MYBPC2: variants seen among roughly 807,000 people sequenced by gnomAD.
MYBPC2 encodes the protein myosin-binding protein C, fast-type.
Under a neutral mutation model 137.0 loss-of-function variants are expected in MYBPC2, and 122 were observed. That is an observed-to-expected ratio of 0.89 (90% CI 0.77 to 1.03). MYBPC2 has a LOEUF of 1.03. Among genes scored for constraint, MYBPC2 ranks in the 50% least tolerant of loss-of-function variants. The probability of loss-of-function intolerance (pLI) is 0.00; values close to 1 mark genes in which losing one functional copy is unlikely to be tolerated. For synonymous variants in MYBPC2, 626 were observed against 612.3 expected (o/e 1.02, Z -0.33); for missense variants, 1,500 against 1,534.4 (o/e 0.98, Z 0.37).
Position 50,454,327 on chromosome 19 carries a change from G to C in MYBPC2, c.1972G>C (p.Val658Leu), listed in dbSNP as rs770202283. 76 of 1,613,010 alleles carry C rather than the reference G, an allele frequency of 4.7e-5. No individual in the cohort carries two copies. Among genetic ancestry groups the C allele is most frequent in the Non-Finnish European group, 6.4e-5 (76 of 1,179,656 alleles). Residue 658 changes from valine (V) to leucine (L), a missense_variant, in exon 18 of 28, where the codon GTC (valine) becomes CTC (leucine). Physicochemically the swap from Val to Leu is conservative, Grantham distance 32 (BLOSUM62 1). Transcript: ENST00000357701. The stretch of plus-strand genomic sequence containing the variant: ...GGTTGGAGAGGATTGGGCCATCCTT[G>C]TCTGGGAGCCACCAATGTACGATGG... ...TSVGEDWAIL[V>L]WEPPMYDGGK...
chr19:50,455,471 C>T, intron 19 of MYBPC2, 39 bp from the exon 20 acceptor site: 2 of 1,598,562 alleles, frequency 1.3e-6, no homozygotes, highest in Non-Finnish European at 1.7e-6. Context: ...CCCCTGACCC[C>T]TCATTCCCCC....
chr19:50,461,411 A>G, intron 24 of MYBPC2, 131 bp from the exon 25 acceptor site: 2 of 949,676 alleles, frequency 2.1e-6, no homozygotes, highest in South Asian at 1.6e-5. Context: ...CACTGTGAGT[A>G]GTGCGCCATG....
chr19:50,458,578 T>C lies in MYBPC2; in HGVS notation c.2339-9T>C, dbSNP rs779770805. On this transcript the variant is annotated splice_polypyrimidine_tract_variant and intron_variant, in intron 20 of 27. Coordinates refer to ENST00000357701, the MANE Select transcript of MYBPC2 (RefSeq NM_004533.4). ...GCACGAGATCCGCCAGCAGGGCCTC[T>C]CTCTCCAGCCGAGGAATGGGTCCCT... is the stretch of plus-strand genomic sequence containing the variant. The C allele has an allele frequency of 1.9e-6, 3 of 1,610,392 alleles. No individual in the cohort carries two copies. The highest frequency in any genetic ancestry group is 1.7e-6 in the Non-Finnish European group (2 of 1,179,690).
At position 50,461,832 on chromosome 19, in the gene MYBPC2, T is replaced by G. The variant is rs1338678679; in HGVS notation, c.3092-68T>G. 1.9e-6 allele frequency: 3 copies of G among 1,576,878 alleles called. No homozygotes were observed. The East Asian group carries it at 7.0e-5, about 37-fold the overall frequency. ...GTCATGGGAGAGAGGTGATTGCGGT[T>G]TGTTCCCTGGTTGGTGTCAGGGGAG... On this transcript the variant is annotated intron_variant, in intron 25 of 27. Transcript: ENST00000357701.
chr19:50,441,948 T>A (rs1370008326), intron 8 of MYBPC2, among the ~76,000 whole-genome samples: 1 of 152,204 alleles, frequency 6.6e-6, no homozygotes, highest in Non-Finnish European at 1.5e-5. Context: ...CTTGACTTCT[T>A]TCCTGGGTGA....
chr19:50,439,525 TACTA>T lies in MYBPC2; in HGVS notation c.573-1354_573-1351del, dbSNP rs1355616878. On this transcript the variant is annotated intron_variant, in intron 7 of 27. Transcript: ENST00000357701. ...CAACCATCTTCTGAGGCCTCCCGTC[TACTA>T]GGTCCTGGGCTGAGATCCATGCATT... Among the ~76,000 whole-genome samples the T allele has an allele frequency of 2.0e-3, 296 of 151,024 alleles. 4 individuals are homozygous for T. Among genetic ancestry groups the T allele is most frequent in the African/African-American group, 6.1e-3 (252 of 41,144 alleles).
Position 50,435,148 on chromosome 19 carries a change from C to A in MYBPC2, c.20-13C>A. The A allele has an allele frequency of 8.0e-7, 1 of 1,251,834 alleles. No individual in the cohort carries two copies. The highest frequency in any genetic ancestry group is 1.2e-6 in the Non-Finnish European group (1 of 857,804). The allele number at this position is 1,251,834 out of a possible 1,614,324, so 77.5% of individuals were successfully genotyped here. A position where few individuals can be genotyped will look rare whatever the true frequency, so the allele number is the denominator to read the frequency against. ...GACCGCATGCTCAACTATGACTGTC[C>A]CCTACCTTACAGCGGCCAAAAAGGC... On this transcript the variant is annotated splice_polypyrimidine_tract_variant and intron_variant, in intron 1 of 27. Transcript: ENST00000357701. This position sits in a 1 kb window ranked among gnomAD's most constrained non-coding sequence, Gnocchi z 4.8.
chr19:50,453,776 T>C (rs2039881562), intron 16 of MYBPC2, among the ~76,000 whole-genome samples: 1 of 151,420 alleles, frequency 6.6e-6, no homozygotes, highest in Non-Finnish European at 1.5e-5. Flanking sequence ...CCAACCTCAG[T>C]TGATCTACCC....
chr19:50,452,274 C>G (rs1402980661), intron 16 of MYBPC2, among the ~76,000 whole-genome samples: 2 of 152,324 alleles, frequency 1.3e-5, no homozygotes, highest in East Asian at 3.9e-4. Flanking sequence ...TCCGCCCATC[C>G]AGCTGATGAT....
At chr19:50,464,247 G>A (rs2039994519) in intron 26 of MYBPC2, 99 bp from the exon 27 acceptor site, 2 of 1,079,602 alleles carry the variant, frequency 1.9e-6, no homozygotes, top group Non-Finnish European at 2.6e-6. Context: ...CAAGAGGGTG[G>A]CAGAGCCTAG....
intron 13 of MYBPC2, 138 bp from the exon 14 acceptor site, chr19:50,450,691 A>T: frequency 1.6e-6 from 1 of 624,032 alleles, no homozygotes; most frequent in South Asian, 2.1e-5. Context: ...ATTTGAAAAT[A>T]GACCACAGCG....
Position 50,462,838 on chromosome 19 carries a change from C to T in MYBPC2, c.3228+802C>T, listed in dbSNP as rs189223990. On this transcript the variant is annotated intron_variant, in intron 26 of 27. Coordinates refer to ENST00000357701, the MANE Select transcript of MYBPC2 (RefSeq NM_004533.4). Reference sequence around the variant, plus strand: ...TGCTGGGATTACAGGCATGAGCCACCGCTCCTGGCCTCTTGCCTTTTTCTT... The same window carrying T: ...TGCTGGGATTACAGGCATGAGCCACTGCTCCTGGCCTCTTGCCTTTTTCTT... 1.8e-3 allele frequency among the ~76,000 whole-genome samples: 262 copies of T among 144,398 alleles called. 1 individual carries two copies. Among genetic ancestry groups the T allele is most frequent in the African/African-American group, 6.0e-3 (239 of 39,810 alleles). 94.7% of individuals were successfully genotyped at this position (144,398 alleles called of 152,430 possible).
At chr19:50,433,804 A>C (rs2039679027) in intron 1 of MYBPC2, among the ~76,000 whole-genome samples, 1 of 146,646 alleles carries the variant, frequency 6.8e-6, no homozygotes, top group Non-Finnish European at 1.5e-5. Flanking sequence ...AGCCAGGTGC[A>C]GGGGCTCACG....
intron 22 of MYBPC2, 50 bp downstream of exon 22, chr19:50,459,056 C>G: frequency 1.3e-6 from 2 of 1,564,478 alleles, no homozygotes; most frequent in Non-Finnish European, 1.7e-6. Context: ...CCGCAAGCCC[C>G]CTTTTTGCGG....
rs1274296577 is a variant in MYBPC2, at chr19:50,461,697, G to A, written c.3087G>A (p.Lys1029=). 1.2e-5 allele frequency: 20 copies of A among 1,612,700 alleles called. No homozygotes were observed. The highest frequency in any genetic ancestry group is 1.7e-5 in the Non-Finnish European group (20 of 1,179,760). Residue 1029 remains lysine (K), a synonymous_variant, in exon 25 of 28, where the codon AAG becomes AAA. Transcript: ENST00000357701. Reference sequence around the variant, plus strand: ...CCAAGAACACGGCCCGCATCCTCAAGACAGGTACAGCCATCCTGCCCCACA... The same window carrying A: ...CCAAGAACACGGCCCGCATCCTCAAAACAGGTACAGCCATCCTGCCCCACA... ...GVSKNTARIL[K]TGITFKPFEY... is the part of the protein sequence containing the mutation.
intron 11 of MYBPC2, among the ~76,000 whole-genome samples, chr19:50,445,321 C>T (rs1218768558): frequency 6.6e-6 from 1 of 151,988 alleles, no homozygotes; most frequent in African/African-American, 2.4e-5. Context: ...CCCTGACTTC[C>T]AGCCAATACC....
rs1392450812 is a variant in MYBPC2, at chr19:50,443,793, AG to A, written c.1111del (p.Glu371LysfsTer6). 2.5e-6 allele frequency: 4 copies of A among 1,613,902 alleles called. No individual in the cohort carries two copies. The South Asian group carries it at 4.4e-5, about 18-fold the overall frequency. On this transcript the variant is annotated frameshift_variant, in exon 11 of 28. Coordinates refer to ENST00000357701, the MANE Select transcript of MYBPC2 (RefSeq NM_004533.4). LOFTEE classifies it high-confidence loss of function. ...GGGTGGAAATGGCAGTGGAGGTGTCAGAAGAGGGTGCCCAGGTGATGTGGTA... is the reference window on the plus strand; with the variant it reads ...GGGTGGAAATGGCAGTGGAGGTGTCAAAGAGGGTGCCCAGGTGATGTGGTA... ...DRVEMAVEVS[E>X]EGAQVMWMKD...
chr19:50,453,865 G>A (rs183664871), intron 16 of MYBPC2, among the ~76,000 whole-genome samples, 155 bp from the exon 17 acceptor site: 4 of 152,176 alleles, frequency 2.6e-5, no homozygotes, highest in Non-Finnish European at 2.9e-5. Flanking sequence ...AATGAAGGAC[G>A]GCATTTGGAG....
intron 8 of MYBPC2, among the ~76,000 whole-genome samples, chr19:50,441,395 C>A (rs2039754118): frequency 6.6e-6 from 1 of 152,174 alleles, no homozygotes; most frequent in South Asian, 2.1e-4. Flanking sequence ...CTTTTCCTAG[C>A]AATTTCTGTA....
Sources: allele counts gnomAD v4.1 joint callset (sites outside exome capture counted in the v4.1 genomes callset), GRCh38; gene constraint gnomAD v4.1.1; non-coding constraint Gnocchi (gnomAD v3.1); transcripts MANE v1.5; gene names NCBI Gene and HGNC (gene_info 2026-07-23, HGNC 2026-07-21).